The following ATP13A5 variants were observed in gnomAD, a reference collection of about 807,000 sequenced individuals.
The protein encoded by ATP13A5 is ATPase 13A5.
A neutral mutation model predicts 150.2 loss-of-function variants in ATP13A5; 149 were observed. The ratio of observed to expected loss-of-function variants is 0.99; its 90% CI spans 0.87 to 1.14. The LOEUF (loss-of-function observed/expected upper bound fraction) is 1.14. Among genes scored for constraint, ATP13A5 ranks in the 50% most tolerant of loss-of-function variants. ATP13A5 has a pLI of 0.00. For missense variants in ATP13A5, 1,383 were observed against 1,449.3 expected (o/e 0.95, Z 0.74); for synonymous variants, 497 against 522.2 (o/e 0.95, Z 0.66).
intron 7 of ATP13A5, among the ~76,000 whole-genome samples, chr3:193,349,097 T>C (rs1475344797): frequency 6.6e-6 from 1 of 152,160 alleles, no homozygotes; most frequent in Admixed American, 6.6e-5. Flanking sequence ...CCTAAACAGA[T>C]GTTGATGAAT....
Position 193,313,835 on chromosome 3 carries a change from C to A in ATP13A5, c.2319+198G>T, listed in dbSNP as rs1718943125. The A allele has an allele frequency of 5.0e-6, 3 of 597,290 alleles. No homozygotes were observed. In the South Asian group the frequency reaches 7.4e-5, roughly 15 times the overall value. The allele number at this position is 597,290 out of a possible 1,614,324, so 37.0% of individuals were successfully genotyped here. A position where few individuals can be genotyped will look rare whatever the true frequency, so the allele number is the denominator to read the frequency against. On this transcript the variant is annotated intron_variant, in intron 19 of 29. Transcript: ENST00000342358. ...TCTGATTTAATTGGTGCAGCCTGCA[C>A]TGGAAGCTTAGAAACTCCCCCAGGT...
chr3:193,332,502 C>T (rs1034520575), intron 11 of ATP13A5, among the ~76,000 whole-genome samples: 6 of 152,102 alleles, frequency 3.9e-5, no homozygotes, highest in Non-Finnish European at 8.8e-5. Flanking sequence ...ATGATTCTAC[C>T]CTCTAGAACC....
At chr3:193,326,053 T>C (rs1560134147) in intron 13 of ATP13A5, among the ~76,000 whole-genome samples, 1 of 152,198 alleles carries the variant, frequency 6.6e-6, no homozygotes, top group Non-Finnish European at 1.5e-5. Flanking sequence ...GGGTATCTTC[T>C]GCAACATCAC....
At chr3:193,344,230 G>A (rs1712239296) in intron 8 of ATP13A5, among the ~76,000 whole-genome samples, 175 bp from the exon 9 acceptor site, 1 of 152,154 alleles carries the variant, frequency 6.6e-6, no homozygotes, top group South Asian at 2.1e-4. Context: ...TAGGAAATTG[G>A]TTCCTGGGAC....
intron 5 of ATP13A5, among the ~76,000 whole-genome samples, chr3:193,357,350 T>C (rs1465297285): frequency 6.6e-6 from 1 of 152,118 alleles, no homozygotes; most frequent in East Asian, 1.9e-4. Flanking sequence ...AGTTGATCAA[T>C]ATTTGCCTGT....
At chr3:193,304,030 A>G (rs1198408755) in intron 23 of ATP13A5, among the ~76,000 whole-genome samples, 1 of 152,144 alleles carries the variant, frequency 6.6e-6, no homozygotes, top group East Asian at 1.9e-4. Context: ...AATGGAAAGC[A>G]TAAAATAAGG....
chr3:193,306,744 A>G (rs939877619), intron 22 of ATP13A5, among the ~76,000 whole-genome samples: 9 of 152,244 alleles, frequency 5.9e-5, no homozygotes, highest in Non-Finnish European at 1.0e-4. Context: ...TCTACTGCAT[A>G]TGAAAAATAA....
intron 26 of ATP13A5, among the ~76,000 whole-genome samples, chr3:193,285,723 G>A (rs554346285): frequency 1.3e-5 from 2 of 151,984 alleles, no homozygotes; most frequent in Admixed American, 6.6e-5. Context: ...TGTTCCCCAC[G>A]TATCAATTTG....
Position 193,304,198 on chromosome 3 carries a change from C to T in ATP13A5, c.2678+1361G>A, listed in dbSNP as rs138406958. Among the ~76,000 whole-genome samples the T allele has an allele frequency of 6.2e-3, 942 of 152,240 alleles. 10 individuals carry two copies. Among genetic ancestry groups the T allele is most frequent in the African/African-American group, 0.021 (879 of 41,552 alleles). Reference sequence around the variant, plus strand: ...GGGTGAAGAAGAGGAAGGAGTTACACGCACTCTAAGGGTCTGAACCTCAAT... The same window carrying T: ...GGGTGAAGAAGAGGAAGGAGTTACATGCACTCTAAGGGTCTGAACCTCAAT... On this transcript the variant is annotated intron_variant, in intron 23 of 29. Transcript: ENST00000342358.
intron 26 of ATP13A5, among the ~76,000 whole-genome samples, chr3:193,289,264 A>G (rs1194022880): frequency 6.6e-6 from 1 of 152,180 alleles, no homozygotes; most frequent in Non-Finnish European, 1.5e-5. Flanking sequence ...ATTAAAGCCC[A>G]GGGAGGTAAA....
rs189830052 is a variant in ATP13A5 at position 193,356,248 on chromosome 3, C to T, written c.537-2052G>A. Among the ~76,000 whole-genome samples, 511 of 147,398 alleles carry T rather than the reference C, an allele frequency of 3.5e-3. 3 individuals are homozygous for T. The highest frequency in any genetic ancestry group is 0.012 in the African/African-American group (463 of 39,314). ...GTGCATATAATTACCTGAAAGTACA[C>T]GTTATGTTTCACATTTTAATAAGTT... On this transcript the variant is annotated intron_variant, in intron 5 of 29. Transcript: ENST00000342358.
chr3:193,322,725 T>A (rs1237584771), intron 14 of ATP13A5, 151 bp from the exon 15 acceptor site: 3 of 622,040 alleles, frequency 4.8e-6, no homozygotes, highest in Admixed American at 6.0e-5. Flanking sequence ...CATTGTCAAA[T>A]TTCTGTTGTA....
At chr3:193,290,636 G>A (rs1234763811) in intron 25 of ATP13A5, among the ~76,000 whole-genome samples, 1 of 152,118 alleles carries the variant, frequency 6.6e-6, no homozygotes, top group Non-Finnish European at 1.5e-5. Context: ...GACTGCTGAT[G>A]TATGTTACAT....
In ATP13A5 at chr3:193,362,367, A is replaced by G; in HGVS notation, c.536+14T>C. ...CTGGCAGAGTTTACTCTTAAGGCAT[A>G]TAATAAGTCCTACCTGACCTCTTGC... is the stretch of plus-strand genomic sequence containing the variant. On this transcript the variant is annotated intron_variant, in intron 5 of 29. Transcript: ENST00000342358. The G allele has an allele frequency of 3.7e-6, 6 of 1,610,396 alleles. No individual in the cohort carries two copies. Among genetic ancestry groups the G allele is most frequent in the Non-Finnish European group, 5.1e-6 (6 of 1,176,674 alleles).
At chr3:193,282,056 C>T (rs1414139725) in intron 27 of ATP13A5, among the ~76,000 whole-genome samples, 7 of 151,828 alleles carry the variant, frequency 4.6e-5, no homozygotes, top group Non-Finnish European at 7.4e-5. Context: ...ATTAGCCAGG[C>T]GTGGTGGCGG....
At chr3:193,357,064 T>C (rs1159166954) in intron 5 of ATP13A5, among the ~76,000 whole-genome samples, 1 of 152,156 alleles carries the variant, frequency 6.6e-6, no homozygotes, top group East Asian at 1.9e-4. Context: ...TCCACCTGAC[T>C]CGGCTTCCCA....
At chr3:193,316,969 C>T (rs1447027766) in intron 17 of ATP13A5, among the ~76,000 whole-genome samples, 1 of 152,134 alleles carries the variant, frequency 6.6e-6, no homozygotes, top group Non-Finnish European at 1.5e-5. Context: ...TTGGTCTTGG[C>T]AATGATTTCA....
At chr3:193,352,607 C>G (rs1411693136) in intron 6 of ATP13A5, among the ~76,000 whole-genome samples, 1 of 151,878 alleles carries the variant, frequency 6.6e-6, no homozygotes. Flanking sequence ...TGAAAACGTA[C>G]TTGACGTTTA....
intron 9 of ATP13A5, among the ~76,000 whole-genome samples, chr3:193,340,885 T>C (rs1323799220): frequency 6.6e-6 from 1 of 152,214 alleles, no homozygotes; most frequent in Non-Finnish European, 1.5e-5. Context: ...CCTTTTTCAC[T>C]GCTATGTCAC....
Sources: allele counts gnomAD v4.1 joint callset (sites outside exome capture counted in the v4.1 genomes callset), GRCh38; gene constraint gnomAD v4.1.1; transcripts MANE v1.5; gene names NCBI Gene and HGNC (gene_info 2026-07-23, HGNC 2026-07-21).